The following CACNA1S variants were observed in gnomAD, a reference collection of about 807,000 sequenced individuals.
CACNA1S encodes voltage-dependent L-type calcium channel subunit alpha-1S.
Under a neutral mutation model 207.4 loss-of-function variants are expected in CACNA1S, and 126 were observed. That is an observed-to-expected ratio of 0.61 (90% confidence interval 0.53 to 0.70). The LOEUF (loss-of-function observed/expected upper bound fraction) is 0.70. Ranked by LOEUF, CACNA1S falls within the 30% of genes least tolerant of loss-of-function variation. The pLI is 0.00. For missense variants in CACNA1S, 2,349 were observed against 2,422.8 expected (o/e 0.97, Z 0.64); for synonymous variants, 960 against 932.7 (o/e 1.03, Z -0.53).
chr1:201,081,551 C>T (rs1391764298), intron 10 of CACNA1S, among the ~76,000 whole-genome samples: 3 of 152,218 alleles, frequency 2.0e-5, no homozygotes, highest in Admixed American at 6.5e-5. Context: ...AGTCTGATCA[C>T]ATTATATTCT....
At chr1:201,064,284 C>A (rs1039043867) in intron 22 of CACNA1S, among the ~76,000 whole-genome samples, 1 of 152,168 alleles carries the variant, frequency 6.6e-6, no homozygotes, top group African/African-American at 2.4e-5. Context: ...AGGTGGACAG[C>A]CCTCAGTTGG....
intron 27 of CACNA1S, among the ~76,000 whole-genome samples, chr1:201,058,755 T>A (rs537297024): frequency 3.3e-5 from 5 of 152,224 alleles, no homozygotes; most frequent in African/African-American, 4.8e-5. Flanking sequence ...AACTCAGGAT[T>A]TGGGGTCCTG....
chr1:201,082,710 G>C (rs1193709588), intron 10 of CACNA1S, among the ~76,000 whole-genome samples: 1 of 152,174 alleles, frequency 6.6e-6, no homozygotes, highest in Non-Finnish European at 1.5e-5. Flanking sequence ...AGTGTTCTCT[G>C]TATCCTGAGT....
rs768611153 is a variant in CACNA1S at position 201,112,293 on chromosome 1, G to A, written c.47C>T (p.Pro16Leu). 3.7e-6 allele frequency: 6 copies of A among 1,613,936 alleles called. No homozygotes were observed. In the East Asian group the frequency reaches 1.3e-4, roughly 36 times the overall value. The change falls in exon 1 of 44, where the codon CCC becomes CTC. Residue 16 changes from proline to leucine, a missense_variant. Transcript: ENST00000362061. The part of the protein sequence containing the change: ...PQDEGLRKKQ[P>L]KKPVPEILPR... ...CAGAATCTCAGGAACTGGCTTCTTG[G>A]GCTGTTTCTTCCTCAGGCCTTCATC...
chr1:201,044,332 A>C lies in CACNA1S; in HGVS notation c.4793T>G (p.Phe1598Cys), dbSNP rs1660397752. The C allele has an allele frequency of 6.2e-7, 1 of 1,613,086 alleles. No individual in the cohort carries two copies. Among genetic ancestry groups the C allele is most frequent in the African/African-American group, 1.3e-5 (1 of 74,762 alleles). ...MVEAAMEEGI[F>C]RRTGGLFGQV... is the part of the protein sequence containing the mutation. Reference sequence around the variant, plus strand: ...GTGCTCCTGGCTCTCCCTCACCCGGAATATTCCCTCCTCCATCGCAGCCTC... The same window carrying C: ...GTGCTCCTGGCTCTCCCTCACCCGGCATATTCCCTCCTCCATCGCAGCCTC... Residue 1598 changes from phenylalanine to cysteine, a missense_variant, in exon 39 of 44, where the codon TTC (phenylalanine) becomes TGC (cysteine). Physicochemically the swap from Phe to Cys is radical, Grantham distance 205 (BLOSUM62 -2). Coordinates refer to ENST00000362061, the MANE Select transcript of CACNA1S (RefSeq NM_000069.3).
At chr1:201,084,449 A>G (rs918520879) in intron 9 of CACNA1S, among the ~76,000 whole-genome samples, 1 of 152,156 alleles carries the variant, frequency 6.6e-6, no homozygotes, top group African/African-American at 2.4e-5. Flanking sequence ...TCAAAATCAT[A>G]ATTAAGTATG....
intron 1 of CACNA1S, 91 bp downstream of exon 1, chr1:201,112,097 C>T (rs1463510742): frequency 1.2e-5 from 16 of 1,346,216 alleles, no homozygotes; most frequent in Non-Finnish European, 1.2e-5. Flanking sequence ...GCCTCCCTGG[C>T]CCTCCTGTAG....
In CACNA1S at chr1:201,062,445, C is replaced by G. The variant is rs202089480; in HGVS notation, c.2906+17G>C. On this transcript the variant is annotated intron_variant, in intron 23 of 43. Coordinates refer to ENST00000362061, the MANE Select transcript of CACNA1S (RefSeq NM_000069.3). The stretch of plus-strand genomic sequence containing the variant: ...CCTGCCCCGTGACCGTCCCACTGTG[C>G]TCCCTGCCCCATGTACCTGCACTCC... The G allele has an allele frequency of 1.9e-6, 3 of 1,613,318 alleles. No individual in the cohort carries two copies. The highest frequency in any genetic ancestry group is 3.3e-5 in the Admixed American group (2 of 60,024).
chr1:201,101,785 C>A (rs1405210044), intron 2 of CACNA1S, among the ~76,000 whole-genome samples: 1 of 152,194 alleles, frequency 6.6e-6, no homozygotes, highest in Non-Finnish European at 1.5e-5. Context: ...AGGTGGCCAG[C>A]CCCGATGGCC....
intron 7 of CACNA1S, among the ~76,000 whole-genome samples, chr1:201,087,227 G>A (rs148064869): frequency 5.9e-4 from 90 of 152,312 alleles, no homozygotes; most frequent in African/African-American, 1.6e-3. Flanking sequence ...ATTTAATCCT[G>A]ACAACAACCC....
In CACNA1S at chr1:201,082,420, G is replaced by T. The variant is rs148012954; in HGVS notation, c.1393+742C>A. Among the ~76,000 whole-genome samples the T allele has an allele frequency of 2.2e-3, 336 of 152,280 alleles. 1 individual carries two copies. The highest frequency in any genetic ancestry group is 0.019 in the South Asian group (93 of 4,814). On this transcript the variant is annotated intron_variant, in intron 10 of 43. Transcript: ENST00000362061. ...TGCCACTCTCTTAGTCACATGCAAA[G>T]TTCTTACGGCTTCCTGAATTTACTA... is the stretch of plus-strand genomic sequence containing the variant.
chr1:201,110,330 T>A lies in CACNA1S; in HGVS notation c.153-61A>T, dbSNP rs1325309. The A allele has an allele frequency of 0.45, 633,081 of 1,421,418 alleles. 144,905 individuals carry two copies. The highest frequency in any genetic ancestry group is 0.82 in the East Asian group (36,173 of 44,050). 88.1% of individuals were successfully genotyped at this position (1,421,418 alleles called of 1,614,324 possible). On this transcript the variant is annotated intron_variant, in intron 1 of 43. Transcript: ENST00000362061. ...CAAGGGACTTACAGGGTTAAGGGGA[T>A]GAGGGCGCTGAGGGTCAGTCTGGAC... is the stretch of plus-strand genomic sequence containing the variant.
intron 5 of CACNA1S, among the ~76,000 whole-genome samples, chr1:201,090,711 C>T (rs1477941018): frequency 6.6e-6 from 1 of 152,208 alleles, no homozygotes; most frequent in South Asian, 2.1e-4. Flanking sequence ...CGTTAGTTGC[C>T]CATCTGTCTC....
chr1:201,091,695 G>C lies in CACNA1S; in HGVS notation c.639C>G (p.Ile213Met), dbSNP rs1229722414. ...TCTTGCCCTTGAAGAGCTCCAGCCC[G>C]ATGATGGCATAGATGATGACCATAA... ...VLFMVIIYAIIGLELFKGKMH... is the reference protein window; with the variant it reads ...VLFMVIIYAIMGLELFKGKMH... The change falls in exon 5 of 44, where the codon ATC (isoleucine) becomes ATG (methionine). Residue 213 changes from isoleucine to methionine, a missense_variant. Ile to Met is a conservative substitution (Grantham distance 10). Coordinates refer to ENST00000362061, the MANE Select transcript of CACNA1S (RefSeq NM_000069.3). 6.2e-7 allele frequency: 1 copy of C among 1,614,096 alleles called. No individual in the cohort carries two copies. The highest frequency in any genetic ancestry group is 1.3e-5 in the African/African-American group (1 of 74,932).
At position 201,081,709 on chromosome 1, in the gene CACNA1S, T is replaced by TGG. The variant is rs11381909; in HGVS notation, c.1393+1451_1393+1452dup. 2.6e-5 allele frequency among the ~76,000 whole-genome samples: 4 copies of TGG among 152,244 alleles called. No individual in the cohort carries two copies. The East Asian group carries it at 7.7e-4, about 29-fold the overall frequency. On this transcript the variant is annotated intron_variant, in intron 10 of 43. Coordinates refer to ENST00000362061, the MANE Select transcript of CACNA1S (RefSeq NM_000069.3). ...TCCCAATGCTGGAGCTGGGGCCTGGTGGGGGGTGTTTGGATTGTGGGGACA... is the reference window on the plus strand; with the variant it reads ...TCCCAATGCTGGAGCTGGGGCCTGGTGGGGGGGGTGTTTGGATTGTGGGGACA...
At chr1:201,058,126 C>T (rs542480336) in intron 28 of CACNA1S, among the ~76,000 whole-genome samples, 1 of 152,326 alleles carries the variant, frequency 6.6e-6, no homozygotes, top group African/African-American at 2.4e-5. Flanking sequence ...CTCCATGAAG[C>T]CTTCTCTGAC....
intron 10 of CACNA1S, among the ~76,000 whole-genome samples, chr1:201,078,529 A>AC (rs1193062190): frequency 4.0e-5 from 6 of 151,862 alleles, no homozygotes; most frequent in African/African-American, 9.7e-5. Context: ...AAAAAAAAAA[A>AC]AAAAAAAAAA....
chr1:201,061,919 G>T, intron 24 of CACNA1S, 25 bp downstream of exon 24: 1 of 1,613,848 alleles, frequency 6.2e-7, no homozygotes, highest in South Asian at 1.1e-5. Context: ...GTCCATGAGG[G>T]ACCTAGGCCC....
intron 10 of CACNA1S, among the ~76,000 whole-genome samples, chr1:201,080,641 C>T (rs1661809213): frequency 6.6e-6 from 1 of 152,134 alleles, no homozygotes; most frequent in Non-Finnish European, 1.5e-5. Flanking sequence ...TTGTACTGTT[C>T]TATCATCTCA....
Sources: allele counts gnomAD v4.1 joint callset (sites outside exome capture counted in the v4.1 genomes callset), GRCh38; gene constraint gnomAD v4.1.1; transcripts MANE v1.5; gene names NCBI Gene and HGNC (gene_info 2026-07-23, HGNC 2026-07-21).